The following GCC2 variants were observed in gnomAD, a reference collection of about 807,000 sequenced individuals.
The protein encoded by GCC2 is GRIP and coiled-coil domain containing 2.
GCC2 carries 120 observed loss-of-function variants against 210.6 expected under a neutral mutation model. The observed-to-expected ratio is 0.57, with a 90% CI of 0.49 to 0.66. The LOEUF (loss-of-function observed/expected upper bound fraction) is 0.66. Among genes scored for constraint, GCC2 ranks in the 30% least tolerant of loss-of-function variants. The pLI is 0.00. For synonymous variants in GCC2, 703 were observed against 652.7 expected, an observed-to-expected ratio of 1.08 and a Z score of -1.17; for missense variants, 1,868 against 1,871.9, an observed-to-expected ratio of 1.00 and a Z score of 0.04.
At chr2:108,486,430 T>TA in intron 15 of GCC2, 81 bp from the exon 16 acceptor site, 1 of 1,384,606 alleles carries the variant, frequency 7.2e-7, no homozygotes, top group South Asian at 1.2e-5. Context: ...GTCTCAAACC[T>TA]AAAGTTTGTA....
chr2:108,472,797 TTG>T, intron 6 of GCC2, 28 bp from the exon 7 acceptor site: 1 of 1,307,354 alleles, frequency 7.6e-7, no homozygotes, highest in Non-Finnish European at 1.1e-6. Context: ...TTGTTTTGTT[TTG>T]TGTTTTTTTT....
At chr2:108,483,673 G>A (rs977483545) in intron 12 of GCC2, among the ~76,000 whole-genome samples, 1 of 152,048 alleles carries the variant, frequency 6.6e-6, no homozygotes, top group African/African-American at 2.4e-5. Flanking sequence ...AAGAATCTAG[G>A]CTCCTGAGTT....
intron 12 of GCC2, 66 bp from the exon 13 acceptor site, chr2:108,484,083 G>GA (rs200217107): frequency 5.2e-3 from 5,398 of 1,031,406 alleles, no homozygotes; most frequent in Non-Finnish European, 5.8e-3. Context: ...TTTTACAAAT[G>GA]AAAAAAAAAA....
intron 7 of GCC2, among the ~76,000 whole-genome samples, chr2:108,473,592 A>T (rs1206618482): frequency 1.3e-5 from 2 of 152,174 alleles, no homozygotes; most frequent in Non-Finnish European, 2.9e-5. Flanking sequence ...TTCCCATATA[A>T]GAATCAGGAA....
At chr2:108,468,266 A>G (rs1681007163) in intron 4 of GCC2, among the ~76,000 whole-genome samples, 1 of 151,894 alleles carries the variant, frequency 6.6e-6, no homozygotes, top group Non-Finnish European at 1.5e-5. Context: ...GAGTTTCACC[A>G]TGTTGCCCAG....
chr2:108,501,488 T>C (rs895185810), intron 22 of GCC2, among the ~76,000 whole-genome samples: 3 of 152,066 alleles, frequency 2.0e-5, no homozygotes, highest in Admixed American at 6.6e-5. Context: ...AAACACATCA[T>C]AGATGGTATT....
At position 108,451,939 on chromosome 2, in the gene GCC2, G is replaced by T. The variant is rs545667725; in HGVS notation, c.149-460G>T. ...GCTTACTGCAACCTCCCCTTCCCGG[G>T]TTCAAGCGATTCTCCTGCCTCAGCC... On this transcript the variant is annotated intron_variant, in intron 3 of 22. Transcript: ENST00000309863. 3.5e-4 allele frequency among the ~76,000 whole-genome samples: 53 copies of T among 151,252 alleles called. 1 individual carries two copies. The highest frequency in any genetic ancestry group is 6.9e-3 in the Middle Eastern group (2 of 290).
intron 7 of GCC2, among the ~76,000 whole-genome samples, chr2:108,474,610 G>A (rs981412286): frequency 3.3e-5 from 5 of 152,214 alleles, no homozygotes; most frequent in East Asian, 3.9e-4. Flanking sequence ...TAGAGGGACC[G>A]GGTGGTTTAA....
rs1681104143 is a variant in GCC2, at chr2:108,469,988, A to T, written c.659A>T (p.Gln220Leu). 6.2e-7 allele frequency: 1 copy of T among 1,612,790 alleles called. No homozygotes were observed. Among genetic ancestry groups the T allele is most frequent in the Non-Finnish European group, 8.5e-7 (1 of 1,179,310 alleles). Residue 220 changes from glutamine to leucine, a missense_variant, in exon 6 of 23, where the codon CAA becomes CTA. By Grantham distance (113) the Gln-to-Leu change is moderately radical. Around this residue, in one of 3 missense-constraint regions of GCC2, gnomAD observed 1,847 missense variants for 1,765.2 expected, o/e 1.05. Coordinates refer to ENST00000309863, the MANE Select transcript of GCC2 (RefSeq NM_181453.4). ...AAGAAGGAAACAGTTACTCAACTCCAAAATATCATTGAGGCTAATTCTCAG... is the reference window on the plus strand; with the variant it reads ...AAGAAGGAAACAGTTACTCAACTCCTAAATATCATTGAGGCTAATTCTCAG... ...DEKKETVTQLQNIIEANSQHY... is the reference protein window; with the variant it reads ...DEKKETVTQLLNIIEANSQHY...
intron 4 of GCC2, among the ~76,000 whole-genome samples, chr2:108,463,039 A>G (rs534994498): frequency 2.0e-5 from 3 of 151,794 alleles, no homozygotes; most frequent in Admixed American, 6.6e-5. Context: ...TAGAATTTCT[A>G]TGTGGTTCTT....
Position 108,470,827 on chromosome 2 carries a change from A to G in GCC2, c.1498A>G (p.Lys500Glu). Residue 500 changes from lysine (K) to glutamate (E), a missense_variant, in exon 6 of 23, where the codon AAA (lysine) becomes GAA (glutamate). Lys to Glu is a moderately conservative substitution (Grantham distance 56). This residue lies in a region of GCC2 where 1,847 missense variants were observed against 1,765.2 expected (regional missense o/e 1.05). Coordinates refer to ENST00000309863, the MANE Select transcript of GCC2 (RefSeq NM_181453.4). ...AACAGAACTGGGGGAATCTGCTGGA[A>G]AAATAAGTCAAGAGTTCGAATCAAT... ...LQTELGESAG[K>E]ISQEFESMKQ... 1 of 1,613,852 alleles carries G rather than the reference A, an allele frequency of 6.2e-7. No homozygotes were observed.
intron 21 of GCC2, among the ~76,000 whole-genome samples, chr2:108,498,757 ACT>A (rs1320617049): frequency 1.3e-5 from 2 of 151,680 alleles, no homozygotes; most frequent in African/African-American, 4.9e-5. Context: ...CTGAATTTTC[ACT>A]GTGTCTGAAC....
At position 108,489,856 on chromosome 2, in the gene GCC2, G is replaced by A. The variant is rs775406077; in HGVS notation, c.4071G>A (p.Leu1357=). The part of the protein sequence containing the change: ...AKQEREHLEM[L]IDQLKIKLQD... Reference sequence around the variant, plus strand: ...GTTTTAGGGAACATCTGGAAATGCTGATTGACCAGCTAAAAATCAAATTAC... The same window carrying A: ...GTTTTAGGGAACATCTGGAAATGCTAATTGACCAGCTAAAAATCAAATTAC... Residue 1357 remains leucine (L), a synonymous_variant, in exon 18 of 23, where the codon CTG becomes CTA. Coordinates refer to ENST00000309863, the MANE Select transcript of GCC2 (RefSeq NM_181453.4). The A allele has an allele frequency of 1.7e-5, 27 of 1,602,564 alleles. No individual in the cohort carries two copies. The South Asian group carries it at 2.8e-4, about 17-fold the overall frequency.
intron 22 of GCC2, among the ~76,000 whole-genome samples, chr2:108,504,873 GA>G (rs201009939): frequency 2.0e-5 from 3 of 151,800 alleles, no homozygotes; most frequent in Middle Eastern, 6.8e-3. Context: ...AAATAAAGAC[GA>G]AAAAAAAGCC....
intron 18 of GCC2, among the ~76,000 whole-genome samples, chr2:108,492,055 G>A (rs1209745944): frequency 6.6e-6 from 1 of 151,686 alleles, no homozygotes; most frequent in Non-Finnish European, 1.5e-5. Context: ...AGTAAACCAA[G>A]TCTGTGTTTG....
chr2:108,452,237 G>T (rs967373226), intron 3 of GCC2, among the ~76,000 whole-genome samples, 162 bp from the exon 4 acceptor site: 3 of 152,166 alleles, frequency 2.0e-5, no homozygotes, highest in Non-Finnish European at 1.5e-5. Flanking sequence ...GCCATGTAAT[G>T]CTGAAGTATA....
intron 7 of GCC2, chr2:108,473,228 C>G (rs1681331175): frequency 9.4e-6 from 2 of 213,540 alleles, no homozygotes; most frequent in Non-Finnish European, 1.8e-5. Flanking sequence ...GAGGTACAGA[C>G]CATGTGCTCA....
At chr2:108,478,184 A>C (rs1430734726) in intron 9 of GCC2, among the ~76,000 whole-genome samples, 1 of 152,224 alleles carries the variant, frequency 6.6e-6, no homozygotes, top group Non-Finnish European at 1.5e-5. Flanking sequence ...TATAAATTTT[A>C]AATGGGTTTT....
intron 21 of GCC2, among the ~76,000 whole-genome samples, chr2:108,498,676 A>C (rs1393856764): frequency 1.2e-4 from 19 of 152,208 alleles, no homozygotes; most frequent in Admixed American, 1.2e-3. Flanking sequence ...AAAGACTTGA[A>C]CATCCTATTA....
Sources: allele counts gnomAD v4.1 joint callset (sites outside exome capture counted in the v4.1 genomes callset), GRCh38; gene constraint gnomAD v4.1.1; regional missense constraint gnomAD v4.1.1; transcripts MANE v1.5; gene names NCBI Gene and HGNC (gene_info 2026-07-23, HGNC 2026-07-21).